STXBP4: variants seen among roughly 807,000 people sequenced by gnomAD.
The protein encoded by STXBP4 is syntaxin binding protein 4.
Under a neutral mutation model 76.1 loss-of-function variants are expected in STXBP4, and 55 were observed. The observed-to-expected ratio is 0.72, with a 90% CI of 0.58 to 0.91. The LOEUF is 0.91. STXBP4 is among the 40% of genes least tolerant of loss of function. The pLI is 0.00. For synonymous variants in STXBP4, 201 were observed against 220.2 expected (o/e 0.91, Z 0.77); for missense variants, 618 against 636.9 (o/e 0.97, Z 0.32).
chr17:55,185,213 C>G, the STXBP4 span, among the ~76,000 whole-genome samples: 5 of 37,108 alleles, frequency 1.3e-4, no homozygotes, highest in Admixed American at 6.5e-4. Context: ...TCTTCTTCTT[C>G]TTCTTCTTCT....
At chr17:55,070,576 T>G (rs956353877) in intron 12 of STXBP4, among the ~76,000 whole-genome samples, 1 of 152,214 alleles carries the variant, frequency 6.6e-6, no homozygotes, top group African/African-American at 2.4e-5. Flanking sequence ...TCTGGCACCC[T>G]GCTGCCAGAT....
Position 55,013,797 on chromosome 17 carries a change from C to T in STXBP4, c.666+6200C>T, listed in dbSNP as rs371880133. On this transcript the variant is annotated intron_variant, in intron 8 of 17. Coordinates refer to ENST00000376352, the MANE Select transcript of STXBP4 (RefSeq NM_178509.6). ...CTGGCCAAATAGATGGGGGCTATCC[C>T]TGAACCCTTGGGGTAAAACAGTGCA... Among the ~76,000 whole-genome samples, 223 of 152,308 alleles carry T rather than the reference C, an allele frequency of 1.5e-3. 7 individuals carry two copies. The South Asian group carries it at 0.045, about 31-fold the overall frequency.
chr17:55,207,143 G>T, the STXBP4 span, among the ~76,000 whole-genome samples: 18 of 152,072 alleles, frequency 1.2e-4, no homozygotes, highest in African/African-American at 4.3e-4. Context: ...AAAGTCCAGT[G>T]GATCTCTACG....
chr17:55,209,087 A>AT, the STXBP4 span, among the ~76,000 whole-genome samples: 5 of 152,212 alleles, frequency 3.3e-5, no homozygotes, highest in South Asian at 6.2e-4. Flanking sequence ...ATCTCAAAAA[A>AT]TTTTTTTTAA....
downstream of STXBP4, among the ~76,000 whole-genome samples, chr17:55,174,289 C>T (rs2080420784): frequency 6.6e-6 from 1 of 152,238 alleles, no homozygotes; most frequent in Non-Finnish European, 1.5e-5. Context: ...ATGGCTGTAG[C>T]ATTTAATATT....
intron 9 of STXBP4, among the ~76,000 whole-genome samples, chr17:55,031,698 C>T (rs370045847): frequency 2.6e-5 from 4 of 152,154 alleles, no homozygotes; most frequent in South Asian, 2.1e-4. Flanking sequence ...AATTGTTTCC[C>T]GGACCCCTGC....
chr17:55,018,221 C>T (rs868204053), intron 8 of STXBP4, among the ~76,000 whole-genome samples: 1 of 152,266 alleles, frequency 6.6e-6, no homozygotes, highest in East Asian at 1.9e-4. Context: ...AGGACGCACC[C>T]GGGCGCTTAG....
intron 16 of STXBP4, among the ~76,000 whole-genome samples, chr17:55,115,372 A>C (rs1000247556): frequency 1.7e-4 from 26 of 151,996 alleles, no homozygotes; most frequent in African/African-American, 5.8e-4. Flanking sequence ...GGCTTTCTGT[A>C]GATTTAGAGA....
chr17:55,067,517 G>A (rs1220678725), intron 12 of STXBP4, among the ~76,000 whole-genome samples: 1 of 152,038 alleles, frequency 6.6e-6, no homozygotes, highest in African/African-American at 2.4e-5. Context: ...ACTTGGATAT[G>A]GGAATCATGT....
At chr17:55,109,830 G>A (rs1210934213) in intron 16 of STXBP4, among the ~76,000 whole-genome samples, 1 of 151,998 alleles carries the variant, frequency 6.6e-6, no homozygotes. Context: ...GTAGAGAAGA[G>A]GTTTCACCAT....
intron 12 of STXBP4, among the ~76,000 whole-genome samples, chr17:55,064,782 T>C (rs761337357): frequency 1.3e-5 from 2 of 152,028 alleles, no homozygotes; most frequent in Non-Finnish European, 2.9e-5. Context: ...GGGATTACAG[T>C]CTAATTTTTT....
At chr17:55,037,047 G>A (rs1343349929) in intron 10 of STXBP4, among the ~76,000 whole-genome samples, 3 of 152,008 alleles carry the variant, frequency 2.0e-5, no homozygotes, top group Admixed American at 2.0e-4. Flanking sequence ...GTTGCCCATT[G>A]CAATCACCCA....
intron 3 of STXBP4, among the ~76,000 whole-genome samples, chr17:54,988,461 A>C (rs943671427): frequency 1.3e-5 from 2 of 152,106 alleles, no homozygotes; most frequent in East Asian, 1.9e-4. Context: ...ATGTTTTTGC[A>C]ATCTACCATC....
At chr17:55,188,775 A>T in the STXBP4 span, among the ~76,000 whole-genome samples, 1 of 152,240 alleles carries the variant, frequency 6.6e-6, no homozygotes, top group Non-Finnish European at 1.5e-5. Context: ...GTCTCAGAGC[A>T]AAACTATGTT....
the STXBP4 span, among the ~76,000 whole-genome samples, chr17:55,198,384 T>C: frequency 6.6e-6 from 1 of 152,184 alleles, no homozygotes; most frequent in South Asian, 2.1e-4. Context: ...CCAGACCCTA[T>C]CCTCCTGCTT....
At chr17:55,153,884 ATTAC>A (rs1423306925) in intron 17 of STXBP4, among the ~76,000 whole-genome samples, 3 of 152,160 alleles carry the variant, frequency 2.0e-5, no homozygotes, top group Non-Finnish European at 4.4e-5. Flanking sequence ...ATATATAGCT[ATTAC>A]TTATTTTCTG....
rs2080413446 is a variant in STXBP4 at position 55,172,693 on chromosome 17, A to G, written c.*12782A>G. ...AATAACTTGGTGAGATAGGGCAAGC[A>G]TTATTTCTAATTTGCATATGAGAAA... On this transcript the variant is annotated 3_prime_UTR_variant, in exon 18 of 18. Transcript: ENST00000376352. 6.6e-6 allele frequency: 1 copy of G among 152,238 alleles called. No homozygotes were observed. The highest frequency in any genetic ancestry group is 6.5e-5 in the Admixed American group (1 of 15,284). 9.4% of individuals were successfully genotyped at this position (152,238 alleles called of 1,614,324 possible). A position where few individuals can be genotyped will look rare whatever the true frequency, so the allele number is the denominator to read the frequency against.
intron 8 of STXBP4, among the ~76,000 whole-genome samples, chr17:55,008,375 T>C (rs755692846): frequency 6.6e-5 from 10 of 152,162 alleles, no homozygotes; most frequent in Non-Finnish European, 1.5e-4. Context: ...CACCTTTGCT[T>C]GGTCCTATGA....
At chr17:55,113,217 C>CCA (rs10611316) in intron 16 of STXBP4, among the ~76,000 whole-genome samples, 5,229 of 141,342 alleles carry the variant, frequency 0.037, 122 homozygotes, top group African/African-American at 0.058. Context: ...GGTGCTCTTA[C>CCA]CACACACACA....
Sources: gnomAD v4.1 joint callset for allele counts (sites outside exome capture counted in the v4.1 genomes callset) on GRCh38, gnomAD v4.1.1 for gene constraint, MANE v1.5 for transcripts, NCBI Gene and HGNC (gene_info 2026-07-23, HGNC 2026-07-21) for gene names.